The following GAS6 variants were observed in gnomAD, a reference collection of about 807,000 sequenced individuals.
GAS6 encodes the protein growth arrest-specific protein 6.
A neutral mutation model predicts 75.8 loss-of-function variants in GAS6; 41 were observed. The observed-to-expected ratio is 0.54, with a 90% CI of 0.42 to 0.70. The LOEUF is 0.70. Ranked by LOEUF, GAS6 falls within the 30% of genes least tolerant of loss-of-function variation. GAS6 has a pLI of 0.00. For synonymous variants in GAS6, 432 were observed against 412.6 expected, an observed-to-expected ratio of 1.05 and a Z score of -0.57; for missense variants, 854 against 940.2, an observed-to-expected ratio of 0.91 and a Z score of 1.20.
chr13:113,828,854 G>A (rs1374634336), intron 10 of GAS6, 143 bp from the exon 11 acceptor site: 19 of 854,754 alleles, frequency 2.2e-5, no homozygotes, highest in Non-Finnish European at 3.4e-5. Flanking sequence ...TGGGCCAAGA[G>A]GGTCCCAACC....
rs997283188 is a variant in GAS6 at position 113,863,462 on chromosome 13, G to A, written c.255+113C>T. The A allele has an allele frequency of 5.4e-6, 6 of 1,114,784 alleles. No homozygotes were observed. The highest frequency in any genetic ancestry group is 5.0e-5 in the African/African-American group (3 of 60,212). 69.1% of individuals were successfully genotyped at this position (1,114,784 alleles called of 1,614,324 possible). A position where few individuals can be genotyped will look rare whatever the true frequency, so the allele number is the denominator to read the frequency against. The stretch of plus-strand genomic sequence containing the variant: ...CGGGCCGGGGCTCCTGGGACCCTGA[G>A]GCCAGGCCTCGCCGCGCGGAGCTGG... On this transcript the variant is annotated intron_variant, in intron 2 of 14. Coordinates refer to ENST00000327773, the MANE Select transcript of GAS6 (RefSeq NM_000820.4). The surrounding 1 kb of genome is among the most constrained non-coding windows in gnomAD (Gnocchi z 9.4).
chr13:113,846,966 T>C (rs2051838862), intron 3 of GAS6: 2 of 491,030 alleles, frequency 4.1e-6, no homozygotes, highest in South Asian at 1.5e-5. Context: ...TGTGCTTAAC[T>C]GGAAAGCCAC....
rs774505941 is a variant in GAS6 at position 113,844,560 on chromosome 13, T to C, written c.343+1967A>G. The C allele has an allele frequency of 3.3e-5, 5 of 150,620 alleles. No individual in the cohort carries two copies. Among genetic ancestry groups the C allele is most frequent in the East Asian group, 3.8e-4 (2 of 5,204 alleles). The allele number at this position is 150,620 out of a possible 1,614,324, so 9.3% of individuals were successfully genotyped here. A position where few individuals can be genotyped will look rare whatever the true frequency, so the allele number is the denominator to read the frequency against. On this transcript the variant is annotated intron_variant, in intron 4 of 14. Transcript: ENST00000327773. The surrounding 1 kb of genome is among the most constrained non-coding windows in gnomAD (Gnocchi z 5.7). ...TCAGACACAGTCTCCGATATATGAA[T>C]GGCAAGCCCAGTTAAAAATATCTAA...
In GAS6 at chr13:113,820,876, G is replaced by A. The variant is rs776020399; in HGVS notation, c.2025C>T (p.Pro675=). ...ITAHSCPPVE[P]AAA ...GTCCCGTGGGGGCCTAGGCTGCGGC[G>A]GGCTCCACGGGGGGGCAGGAGTGGG... Residue 675 remains proline, a synonymous_variant, in exon 15 of 15, where the codon CCC becomes CCT. Transcript: ENST00000327773. 1.2e-5 allele frequency: 20 copies of A among 1,610,440 alleles called. No homozygotes were observed. The highest frequency in any genetic ancestry group is 6.7e-5 in the Admixed American group (4 of 59,964).
At chr13:113,860,438 T>C (rs1258338230) in intron 2 of GAS6, among the ~76,000 whole-genome samples, 1 of 152,158 alleles carries the variant, frequency 6.6e-6, no homozygotes, top group Admixed American at 6.5e-5. Context: ...AGGGCTGGGC[T>C]GGGATAAGTC....
At chr13:113,861,051 C>A (rs2051967167) in intron 2 of GAS6, among the ~76,000 whole-genome samples, 1 of 152,068 alleles carries the variant, frequency 6.6e-6, no homozygotes, top group Admixed American at 6.5e-5. Flanking sequence ...TTAGTATCTG[C>A]CTGCTGGAAG....
intron 8 of GAS6, chr13:113,832,980 C>T: frequency 7.0e-7 from 1 of 1,427,088 alleles, no homozygotes; most frequent in Non-Finnish European, 9.2e-7. Flanking sequence ...CTCGGGGGTC[C>T]CCGTCATCTC....
intron 2 of GAS6, among the ~76,000 whole-genome samples, chr13:113,849,263 C>T (rs528005285): frequency 3.9e-5 from 6 of 152,202 alleles, no homozygotes; most frequent in Non-Finnish European, 8.8e-5. Context: ...AGGGCGGCCG[C>T]CCTGAAGGCC....
chr13:113,821,103 G>A (rs1227204970), intron 14 of GAS6, 85 bp from the exon 15 acceptor site: 2 of 1,465,380 alleles, frequency 1.4e-6, no homozygotes, highest in Non-Finnish European at 1.9e-6. Flanking sequence ...AGCGCTTGTG[G>A]CCAGCCCCGG....
In GAS6 at chr13:113,851,598, G is replaced by A. The variant is rs138940713; in HGVS notation, c.256-3548C>T. On this transcript the variant is annotated intron_variant, in intron 2 of 14. Coordinates refer to ENST00000327773, the MANE Select transcript of GAS6 (RefSeq NM_000820.4). ...GTGAATGGGTGACTGGATGGATGGA[G>A]ATGGATGAATAAATGAAGGAATGAG... 3.1e-3 allele frequency among the ~76,000 whole-genome samples: 466 copies of A among 151,914 alleles called. 9 individuals are homozygous for A. The highest frequency in any genetic ancestry group is 0.011 in the South Asian group (54 of 4,804).
At chr13:113,840,272 A>T in intron 4 of GAS6, 1 of 189,528 alleles carries the variant, frequency 5.3e-6, no homozygotes, top group South Asian at 1.0e-4. Flanking sequence ...TCTCTGGTGA[A>T]CTCTCCCTGC....
At chr13:113,824,946 T>C (rs72670673) in intron 12 of GAS6, among the ~76,000 whole-genome samples, 20,492 of 152,120 alleles carry the variant, frequency 0.13, 2,531 homozygotes, top group African/African-American at 0.33. Flanking sequence ...CAGTCGGGCG[T>C]GGTGGCTCAC....
At chr13:113,827,743 T>C (rs1328414053) in intron 11 of GAS6, among the ~76,000 whole-genome samples, 1 of 152,162 alleles carries the variant, frequency 6.6e-6, no homozygotes, top group Non-Finnish European at 1.5e-5. Flanking sequence ...GCCTTTCTCC[T>C]GCCTGGTGTG....
At position 113,820,871 on chromosome 13, in the gene GAS6, G is replaced by A; in HGVS notation, c.2030C>T (p.Ala677Val). The A allele has an allele frequency of 6.2e-7, 1 of 1,610,130 alleles. No homozygotes were observed. Among genetic ancestry groups the A allele is most frequent in the Non-Finnish European group, 8.5e-7 (1 of 1,179,612 alleles). Residue 677 changes from alanine (A) to valine (V), a missense_variant, in exon 15 of 15, where the codon GCA becomes GTA. Physicochemically the swap from Ala to Val is moderately conservative, Grantham distance 64. Coordinates refer to ENST00000327773, the MANE Select transcript of GAS6 (RefSeq NM_000820.4). ...GCCGCGTCCCGTGGGGGCCTAGGCT[G>A]CGGCGGGCTCCACGGGGGGGCAGGA... is the stretch of plus-strand genomic sequence containing the variant. ...AHSCPPVEPA[A>V]A
chr13:113,827,249 G>A (rs9577870), intron 11 of GAS6, 85 bp from the exon 12 acceptor site: 95,881 of 1,393,312 alleles, frequency 0.069, 3,952 homozygotes, highest in Admixed American at 0.14. Flanking sequence ...GCGCCTTCGC[G>A]GCCCTGGTAT....
In GAS6 at chr13:113,823,510, T is replaced by G; in HGVS notation, c.1518A>C (p.Glu506Asp). The change falls in exon 13 of 15, where the codon GAA (glutamate) becomes GAC (aspartate). Residue 506 changes from glutamate (E) to aspartate (D), a missense_variant. Coordinates refer to ENST00000327773, the MANE Select transcript of GAS6 (RefSeq NM_000820.4). ...GGCGGATGTGAGCCACGACTTCTAC[T>G]TCCCAGGTTGATTCAGTCCCGACGT... Reference protein sequence around the residue: ...PLDVGTESTWEVEVVAHIRPA... With the variant: ...PLDVGTESTWDVEVVAHIRPA... The G allele has an allele frequency of 6.2e-7, 1 of 1,612,680 alleles. No individual in the cohort carries two copies. Among genetic ancestry groups the G allele is most frequent in the Non-Finnish European group, 8.5e-7 (1 of 1,179,908 alleles).
At chr13:113,835,661 C>T (rs760514045) in intron 6 of GAS6, 26 bp from the exon 7 acceptor site, 3 of 1,608,440 alleles carry the variant, frequency 1.9e-6, no homozygotes, top group Admixed American at 1.7e-5. Flanking sequence ...AACCGGCCAA[C>T]CGCAGCACAG....
At chr13:113,831,736 C>T (rs181309476) in intron 10 of GAS6, among the ~76,000 whole-genome samples, 488 of 151,988 alleles carry the variant, frequency 3.2e-3, no homozygotes, top group Non-Finnish European at 5.2e-3. Flanking sequence ...ATGAACTAAA[C>T]GGGGCAGGGG....
At position 113,827,537 on chromosome 13, in the gene GAS6, A is replaced by C. The variant is rs116191125; in HGVS notation, c.1309-373T>G. Among the ~76,000 whole-genome samples the C allele has an allele frequency of 2.5e-3, 360 of 144,356 alleles. 2 individuals carry two copies. Among genetic ancestry groups the C allele is most frequent in the African/African-American group, 9.3e-3 (329 of 35,566 alleles). The allele number at this position is 144,356 out of a possible 152,430, so 94.7% of individuals were successfully genotyped here. On this transcript the variant is annotated intron_variant, in intron 11 of 14. Transcript: ENST00000327773. The stretch of plus-strand genomic sequence containing the variant: ...GGGCAACCCCCTTATCTGTGAAACG[A>C]GGAGGGTCCAGCCAGGCAAAGTCCC...
Sources: gnomAD v4.1 joint callset for allele counts (sites outside exome capture counted in the v4.1 genomes callset) on GRCh38, gnomAD v4.1.1 for gene constraint, Gnocchi (gnomAD v3.1) non-coding constraint, MANE v1.5 for transcripts, NCBI Gene and HGNC (gene_info 2026-07-23, HGNC 2026-07-21) for gene names.